The following AGBL1 variants were observed in gnomAD, a reference collection of about 807,000 sequenced individuals.
The protein encoded by AGBL1 is AGBL carboxypeptidase 1.
In AGBL1, 130 loss-of-function variants were observed where a neutral mutation model predicts 118.9. The observed-to-expected ratio is 1.09, with a 90% CI of 0.95 to 1.26. The LOEUF is 1.26. Among genes scored for constraint, AGBL1 ranks in the 50% most tolerant of loss-of-function variants. The pLI is 0.00. For synonymous variants in AGBL1, 555 were observed against 478.9 expected (o/e 1.16, Z -2.08); for missense variants, 1,584 against 1,298.1 (o/e 1.22, Z -3.38).
rs199867928 is a variant in AGBL1, at chr15:87,009,041, G to A, written c.3324-19784G>A. Among the ~76,000 whole-genome samples, 22 of 152,280 alleles carry A rather than the reference G, an allele frequency of 1.4e-4. No individual in the cohort carries two copies. The East Asian group carries it at 4.1e-3, about 28-fold the overall frequency. On this transcript the variant is annotated intron_variant, in intron 24 of 24. Coordinates refer to the AGBL1 transcript ENST00000441037. ...ATTTTCTGAGGAAAAATTCAAGCTG[G>A]CTATAGAAATTTGCATAAGTAACAA...
intron 22 of AGBL1, among the ~76,000 whole-genome samples, chr15:86,704,366 GA>G (rs2142657454): frequency 6.6e-6 from 1 of 152,268 alleles, no homozygotes; most frequent in Non-Finnish European, 1.5e-5. Flanking sequence ...CAGAATAGGA[GA>G]AAATTTTTGC....
chr15:86,772,149 A>G (rs2141290368), intron 22 of AGBL1, among the ~76,000 whole-genome samples: 1 of 152,094 alleles, frequency 6.6e-6, no homozygotes, highest in East Asian at 1.9e-4. Context: ...CTCCTTGGGA[A>G]ACCACCTCTC....
At chr15:86,998,857 A>T (rs1415933389) in intron 24 of AGBL1, among the ~76,000 whole-genome samples, 1 of 150,912 alleles carries the variant, frequency 6.6e-6, no homozygotes, top group Non-Finnish European at 1.5e-5. Flanking sequence ...TTTTTCTTTT[A>T]TATATATATA....
intron 19 of AGBL1, 25 bp downstream of exon 19, chr15:86,522,964 C>A (rs2083209994): frequency 8.1e-6 from 13 of 1,610,158 alleles, no homozygotes; most frequent in East Asian, 4.5e-5. Context: ...TCTGCCTCCA[C>A]CTTCCTGGCT....
intron 23 of AGBL1, among the ~76,000 whole-genome samples, chr15:86,976,755 AT>A (rs1188257103): frequency 6.6e-6 from 1 of 151,886 alleles, no homozygotes; most frequent in East Asian, 1.9e-4. Context: ...TATCTTTTTT[AT>A]TACAAAAAGA....
chr15:86,362,029 C>G (rs936834950), intron 17 of AGBL1, among the ~76,000 whole-genome samples: 1 of 152,008 alleles, frequency 6.6e-6, no homozygotes, highest in African/African-American at 2.4e-5. Context: ...TTGCTTCTGT[C>G]TTCCTTTGTA....
intron 22 of AGBL1, among the ~76,000 whole-genome samples, chr15:86,818,166 C>T (rs1489437044): frequency 6.6e-6 from 1 of 152,146 alleles, no homozygotes; most frequent in Non-Finnish European, 1.5e-5. Flanking sequence ...GTATGGGTTG[C>T]CTTCTGGCCT....
intron 1 of AGBL1, among the ~76,000 whole-genome samples, chr15:86,098,706 G>A (rs1385389636): frequency 6.6e-6 from 1 of 152,032 alleles, no homozygotes; most frequent in Non-Finnish European, 1.5e-5. Flanking sequence ...TGCTGTTTTG[G>A]TTGCTGTAAC....
chr15:86,921,345 T>G (rs2141619864), intron 23 of AGBL1, among the ~76,000 whole-genome samples: 1 of 152,314 alleles, frequency 6.6e-6, no homozygotes, highest in African/African-American at 2.4e-5. Flanking sequence ...CAGTCTCCTC[T>G]TGTCTGAGGT....
intron 22 of AGBL1, among the ~76,000 whole-genome samples, chr15:86,762,022 G>A (rs1055501418): frequency 7.9e-5 from 12 of 152,022 alleles, no homozygotes; most frequent in African/African-American, 2.9e-4. Flanking sequence ...TATACACCAT[G>A]GAATACTATG....
chr15:86,903,062 A>G (rs2080233880), intron 22 of AGBL1, among the ~76,000 whole-genome samples: 1 of 151,978 alleles, frequency 6.6e-6, no homozygotes, highest in Admixed American at 6.6e-5. Context: ...GTCCTACAGG[A>G]TCTTAATGTT....
At chr15:86,971,513 G>A (rs936418271) in intron 23 of AGBL1, among the ~76,000 whole-genome samples, 13 of 152,024 alleles carry the variant, frequency 8.6e-5, no homozygotes, top group African/African-American at 2.7e-4. Context: ...GAGAGGGGAT[G>A]TGCTTTTTAA....
At chr15:86,945,467 G>A (rs973935661) in intron 23 of AGBL1, among the ~76,000 whole-genome samples, 1 of 151,792 alleles carries the variant, frequency 6.6e-6, no homozygotes, top group African/African-American at 2.4e-5. Context: ...AGAGGGGATT[G>A]AGAACAGCCT....
At chr15:86,438,524 A>T (rs1230398036) in intron 18 of AGBL1, among the ~76,000 whole-genome samples, 1 of 152,208 alleles carries the variant, frequency 6.6e-6, no homozygotes, top group East Asian at 1.9e-4. Flanking sequence ...CATGACATCT[A>T]GTTAAATTTG....
chr15:86,080,904 T>C (rs561184836), intron 1 of AGBL1, among the ~76,000 whole-genome samples: 1 of 146,764 alleles, frequency 6.8e-6, no homozygotes, highest in African/African-American at 2.5e-5. Flanking sequence ...TGGAAGTTCC[T>C]GGAAGGGGTC....
intron 17 of AGBL1, among the ~76,000 whole-genome samples, chr15:86,390,698 T>C (rs994359326): frequency 1.5e-5 from 2 of 131,296 alleles, no homozygotes; most frequent in Non-Finnish European, 3.1e-5. Context: ...AGACAGAGTT[T>C]TGCTCTTGTC....
At chr15:86,209,100 T>C (rs886086446) in intron 5 of AGBL1, among the ~76,000 whole-genome samples, 2 of 152,224 alleles carry the variant, frequency 1.3e-5, no homozygotes, top group Non-Finnish European at 2.9e-5. Flanking sequence ...GAGCAGGTTG[T>C]TCAGTTTCCA....
chr15:86,617,463 G>A (rs1228963705), intron 21 of AGBL1, among the ~76,000 whole-genome samples: 1 of 152,042 alleles, frequency 6.6e-6, no homozygotes, highest in Non-Finnish European at 1.5e-5. Flanking sequence ...ACAGAATTGA[G>A]CATGAAATTC....
At chr15:86,964,565 C>A (rs550223188) in intron 23 of AGBL1, among the ~76,000 whole-genome samples, 201 of 151,868 alleles carry the variant, frequency 1.3e-3, no homozygotes, top group Non-Finnish European at 2.3e-3. Flanking sequence ...GAACCACTGA[C>A]ACAACCTTAT....
Sources: allele counts gnomAD v4.1 joint callset (sites outside exome capture counted in the v4.1 genomes callset), GRCh38; gene constraint gnomAD v4.1.1; transcripts MANE v1.5; gene names NCBI Gene and HGNC (gene_info 2026-07-23, HGNC 2026-07-21).